The following ARHGAP5 variants were observed in gnomAD, a reference collection of about 807,000 sequenced individuals.
The protein encoded by ARHGAP5 is rho GTPase-activating protein 5.
In ARHGAP5, 23 loss-of-function variants were observed where a neutral mutation model predicts 116.6. The ratio of observed to expected loss-of-function variants is 0.20; its 90% CI spans 0.14 to 0.28. The LOEUF is 0.28. ARHGAP5 is among the 10% of genes least tolerant of loss of function. The probability of loss-of-function intolerance (pLI) is 1.00; values close to 1 mark genes in which losing one functional copy is unlikely to be tolerated. For missense variants in ARHGAP5, 1,405 were observed against 1,774.8 expected (o/e 0.79, Z 3.74); for synonymous variants, 574 against 602.0 (o/e 0.95, Z 0.68).
At chr14:32,083,288 A>T (rs2041796560) in intron 1 of ARHGAP5, among the ~76,000 whole-genome samples, 1 of 152,270 alleles carries the variant, frequency 6.6e-6, no homozygotes, top group African/African-American at 2.4e-5. Flanking sequence ...ATTTTGTGAT[A>T]TGTGAAAATT....
In ARHGAP5 at chr14:32,093,044, T is replaced by G. The variant is rs1398620367; in HGVS notation, c.2375T>G (p.Val792Gly). 1.9e-6 allele frequency: 3 copies of G among 1,613,964 alleles called. No homozygotes were observed. Among genetic ancestry groups the G allele is most frequent in the Admixed American group, 3.3e-5 (2 of 59,986 alleles). ...GCCATGTGTGGAGATCCATTTAGTG[T>G]GGATCTTATTCTTTCACCCTTCCTT... ...MCAMCGDPFS[V>G]DLILSPFLDS... The change falls in exon 2 of 7, where the codon GTG becomes GGG. Residue 792 changes from valine to glycine, a missense_variant. Val to Gly is a moderately radical substitution (Grantham distance 109). Around this residue, in one of 6 missense-constraint regions of ARHGAP5, gnomAD observed 944 missense variants for 1,095.3 expected, o/e 0.86. Coordinates refer to ENST00000345122, the MANE Select transcript of ARHGAP5 (RefSeq NM_001030055.2).
chr14:32,111,839 ATTTTTTTTTT>A (rs34512246), intron 2 of ARHGAP5, among the ~76,000 whole-genome samples: 2 of 93,176 alleles, frequency 2.1e-5, no homozygotes, highest in Non-Finnish European at 4.2e-5. Context: ...TTCTTCTTTG[ATTTTTTTTTT>A]TTTTTTTTTT....
intron 5 of ARHGAP5, among the ~76,000 whole-genome samples, chr14:32,152,058 CCTT>C (rs1181175792): frequency 6.6e-6 from 1 of 152,176 alleles, no homozygotes; most frequent in African/African-American, 2.4e-5. Flanking sequence ...CCGGGCTCCA[CCTT>C]CTGTCAGATT....
chr14:32,135,484 G>A lies in ARHGAP5; in HGVS notation c.3866-10779G>A, dbSNP rs933790942. Among the ~76,000 whole-genome samples the A allele has an allele frequency of 5.9e-5, 9 of 152,290 alleles. No homozygotes were observed. The South Asian group carries it at 8.3e-4, about 14-fold the overall frequency. On this transcript the variant is annotated intron_variant, in intron 3 of 6. Transcript: ENST00000345122. ...GTTGCCCAGGCAAGAGCACAGTGGC[G>A]TGATCTAGCCTCACTGCAACCTCTA... is the stretch of plus-strand genomic sequence containing the variant.
At chr14:32,100,892 A>G (rs1878761967) in intron 2 of ARHGAP5, among the ~76,000 whole-genome samples, 1 of 152,204 alleles carries the variant, frequency 6.6e-6, no homozygotes, top group African/African-American at 2.4e-5. Context: ...TAAAATTGCC[A>G]GTTTTGAACA....
At chr14:32,103,102 C>G (rs1044866066) in intron 2 of ARHGAP5, among the ~76,000 whole-genome samples, 1 of 152,162 alleles carries the variant, frequency 6.6e-6, no homozygotes, top group Non-Finnish European at 1.5e-5. Context: ...CTAAATTGAT[C>G]TACCTGGTTA....
At chr14:32,077,474 C>A in intron 1 of ARHGAP5, 39 bp downstream of exon 1, 1 of 685,864 alleles carries the variant, frequency 1.5e-6, no homozygotes, top group Non-Finnish European at 2.6e-6. Flanking sequence ...AGCCTGCCTG[C>A]CCCCTCCCGG....
At chr14:32,078,431 T>G (rs1399888959) in intron 1 of ARHGAP5, 1 of 152,258 alleles carries the variant, frequency 6.6e-6, no homozygotes. Flanking sequence ...TATTTTGAGA[T>G]AGAGCAAGAT....
intron 2 of ARHGAP5, among the ~76,000 whole-genome samples, chr14:32,094,799 A>G (rs1448258976): frequency 6.6e-6 from 1 of 152,138 alleles, no homozygotes; most frequent in Non-Finnish European, 1.5e-5. Flanking sequence ...ACAGTCTTGG[A>G]TATTTATTAA....
Position 32,146,258 on chromosome 14 carries a change from CT to C in ARHGAP5, c.3866-3del. ...TAAAGTATGCATATTTCTTTATTCTCTTAGGGTTATGTACCGAAGGACTCTA... is the reference window on the plus strand; with the variant it reads ...TAAAGTATGCATATTTCTTTATTCTCTAGGGTTATGTACCGAAGGACTCTA... On this transcript the variant is annotated splice_region_variant and splice_polypyrimidine_tract_variant and intron_variant, in intron 3 of 6. Coordinates refer to ENST00000345122, the MANE Select transcript of ARHGAP5 (RefSeq NM_001030055.2). The C allele has an allele frequency of 6.2e-7, 1 of 1,602,980 alleles. No individual in the cohort carries two copies. Among genetic ancestry groups the C allele is most frequent in the Non-Finnish European group, 8.5e-7 (1 of 1,170,218 alleles).
chr14:32,112,280 A>C (rs1208694358), intron 2 of ARHGAP5, among the ~76,000 whole-genome samples: 1 of 152,128 alleles, frequency 6.6e-6, no homozygotes. Flanking sequence ...TGGTTTTTTA[A>C]AAATGTTACT....
chr14:32,121,472 C>T (rs1337294883), intron 3 of ARHGAP5, among the ~76,000 whole-genome samples: 1 of 152,026 alleles, frequency 6.6e-6, no homozygotes, highest in Non-Finnish European at 1.5e-5. Flanking sequence ...ATGCCTTGTT[C>T]TGTTGTTATA....
chr14:32,082,760 G>A (rs1484296955), intron 1 of ARHGAP5, among the ~76,000 whole-genome samples: 1 of 152,114 alleles, frequency 6.6e-6, no homozygotes, highest in Non-Finnish European at 1.5e-5. Flanking sequence ...GGCTGGTCTC[G>A]ACCTCCTGAC....
chr14:32,135,336 C>T (rs1880733265), intron 3 of ARHGAP5, among the ~76,000 whole-genome samples: 1 of 152,206 alleles, frequency 6.6e-6, no homozygotes, highest in African/African-American at 2.4e-5. Context: ...GGGCCAGAAC[C>T]AGGAAGTGTT....
rs1003024303 is a variant in ARHGAP5, at chr14:32,077,389, G to T, written c.-215G>T. ...GAATGTCGCTGCCGCCGCCACCGCC[G>T]GGGCCGCTGCCGTTGAGGAGGAGAC... On this transcript the variant is annotated 5_prime_UTR_variant, in exon 1 of 7. Transcript: ENST00000345122. The T allele has an allele frequency of 1.3e-5, 9 of 702,186 alleles. No individual in the cohort carries two copies. The highest frequency in any genetic ancestry group is 5.4e-5 in the East Asian group (2 of 37,234). 43.5% of individuals were successfully genotyped at this position (702,186 alleles called of 1,614,324 possible).
chr14:32,082,369 C>T (rs906616055), intron 1 of ARHGAP5, among the ~76,000 whole-genome samples: 2 of 152,140 alleles, frequency 1.3e-5, no homozygotes, highest in South Asian at 2.1e-4. Context: ...GTTTCATTAC[C>T]GAGGTTTCAT....
chr14:32,150,236 G>T (rs564177104), intron 5 of ARHGAP5, among the ~76,000 whole-genome samples: 13 of 152,138 alleles, frequency 8.5e-5, no homozygotes, highest in Non-Finnish European at 1.8e-4. Context: ...GTTTTAGCTA[G>T]CCCCCTAGGT....
intron 1 of ARHGAP5, among the ~76,000 whole-genome samples, chr14:32,082,180 T>C (rs2041783787): frequency 6.6e-6 from 1 of 152,184 alleles, no homozygotes; most frequent in African/African-American, 2.4e-5. Flanking sequence ...CAGACCGGGG[T>C]TGGGGACCCC....
chr14:32,096,461 GAAAAAAGGCAT>G (rs1878532580), intron 2 of ARHGAP5, among the ~76,000 whole-genome samples: 1 of 151,950 alleles, frequency 6.6e-6, no homozygotes, highest in Non-Finnish European at 1.5e-5. Context: ...AGTGATGTGA[GAAAAAAGGCAT>G]AAATAAGCAC....
Sources: gnomAD v4.1 joint callset for allele counts (sites outside exome capture counted in the v4.1 genomes callset) on GRCh38, gnomAD v4.1.1 for gene constraint, gnomAD v4.1.1 regional missense constraint, MANE v1.5 for transcripts, NCBI Gene and HGNC (gene_info 2026-07-23, HGNC 2026-07-21) for gene names.